The following B9D1 variants were observed in gnomAD, a reference collection of about 807,000 sequenced individuals.
The protein encoded by B9D1 is B9 domain-containing protein 1.
B9D1 carries 20 observed loss-of-function variants against 26.1 expected under a neutral mutation model. That is an observed-to-expected ratio of 0.77 (90% CI 0.54 to 1.12). The LOEUF (loss-of-function observed/expected upper bound fraction) is 1.12, where lower values mean the gene tolerates loss of function less well. Among genes scored for constraint, B9D1 ranks in the 50% most tolerant of loss-of-function variants. The pLI is 0.00. For synonymous variants in B9D1, 105 were observed against 103.1 expected (o/e 1.02, Z -0.11); for missense variants, 260 against 273.7 (o/e 0.95, Z 0.35).
downstream of B9D1, among the ~76,000 whole-genome samples, chr17:19,340,443 G>C (rs1395000555): frequency 2.9e-5 from 1 of 34,078 alleles, no homozygotes; most frequent in Non-Finnish European, 5.2e-5. Context: ...AAAGTGCTGG[G>C]ATTACAGGCG....
downstream of B9D1, among the ~76,000 whole-genome samples, chr17:19,339,130 A>G (rs190984884): frequency 1.4e-3 from 219 of 152,346 alleles, no homozygotes; most frequent in African/African-American, 5.0e-3. Flanking sequence ...GAGAAGTTTT[A>G]TTATGCCTTT....
At chr17:19,337,545 G>A, downstream of B9D1, 1 of 599,036 alleles carries the variant, frequency 1.7e-6, no homozygotes, top group South Asian at 2.0e-5. Context: ...GGAGGCTAGG[G>A]ACTGGTGGCA....
At chr17:19,358,759 T>C (rs1353186992) in intron 2 of B9D1, among the ~76,000 whole-genome samples, 1 of 152,200 alleles carries the variant, frequency 6.6e-6, no homozygotes, top group African/African-American at 2.4e-5. Context: ...ATCTCATCCA[T>C]CTCATGGCTT....
At position 19,347,319 on chromosome 17, in the gene B9D1, G is replaced by A. The variant is rs999199095; in HGVS notation, c.354C>T (p.Thr118=). 6.2e-7 allele frequency: 1 copy of A among 1,614,196 alleles called. No individual in the cohort carries two copies. The highest frequency in any genetic ancestry group is 8.5e-7 in the Non-Finnish European group (1 of 1,180,044). Residue 118 remains threonine, a synonymous_variant, in exon 5 of 7, where the codon ACC becomes ACT. Coordinates refer to ENST00000261499, the MANE Select transcript of B9D1 (RefSeq NM_015681.6). This position sits in a 1 kb window ranked among gnomAD's most constrained non-coding sequence, Gnocchi z 4.3. Reference sequence around the variant, plus strand: ...TAGATTCTGGGACAAACATGGGGATGGTCCTTTTGTGCCTGAAACAAATGT... The same window carrying A: ...TAGATTCTGGGACAAACATGGGGATAGTCCTTTTGTGCCTGAAACAAATGT... The part of the protein sequence containing the change: ...VPFSPGRHKR[T]IPMFVPESTS...
chr17:19,369,039 T>C (rs1911745218), intron 1 of B9D1, among the ~76,000 whole-genome samples: 1 of 152,166 alleles, frequency 6.6e-6, no homozygotes, highest in Non-Finnish European at 1.5e-5. Context: ...ATTTTCCCCC[T>C]CTGAGAAACA....
chr17:19,369,827 T>C (rs1276013511), intron 1 of B9D1, among the ~76,000 whole-genome samples: 4 of 152,206 alleles, frequency 2.6e-5, no homozygotes, highest in Non-Finnish European at 2.9e-5. Context: ...TCACGATTGC[T>C]TCTGGAAGAC....
chr17:19,336,613 C>G (rs570209285), downstream of B9D1: 1 of 152,428 alleles, frequency 6.6e-6, no homozygotes, highest in Admixed American at 6.5e-5. Flanking sequence ...GAGGAAGTCA[C>G]CCAGCTGTTT....
chr17:19,357,620 G>A, intron 3 of B9D1: 2 of 587,464 alleles, frequency 3.4e-6, no homozygotes, highest in Non-Finnish European at 6.2e-6. Context: ...ACTTCCAGAA[G>A]GCCAGCTGCA....
intron 1 of B9D1, among the ~76,000 whole-genome samples, chr17:19,367,879 C>A (rs1911681736): frequency 1.3e-5 from 2 of 152,214 alleles, no homozygotes; most frequent in Non-Finnish European, 2.9e-5. Context: ...CCCAGCCAGA[C>A]TCAAAGTCCC....
At chr17:19,341,107 G>A (rs542565287), downstream of B9D1, 128 of 1,225,002 alleles carry the variant, frequency 1.0e-4, no homozygotes, top group African/African-American at 1.7e-3. Flanking sequence ...TTTCAGTAAT[G>A]TTGAGAAAAA....
At chr17:19,342,067 G>A (rs527493609), downstream of B9D1, among the ~76,000 whole-genome samples, 1 of 152,302 alleles carries the variant, frequency 6.6e-6, no homozygotes, top group African/African-American at 2.4e-5. Context: ...GGTGAAGACA[G>A]ACTGTTCCAA....
downstream of B9D1, chr17:19,337,657 G>C: frequency 6.7e-7 from 1 of 1,492,744 alleles, no homozygotes; most frequent in East Asian, 2.5e-5. Context: ...GCGGCTTCCC[G>C]CGGAAGTTTC....
At chr17:19,339,144 G>A (rs1408802661), downstream of B9D1, among the ~76,000 whole-genome samples, 1 of 152,178 alleles carries the variant, frequency 6.6e-6, no homozygotes, top group Non-Finnish European at 1.5e-5. Context: ...TGCCTTTATT[G>A]CTGAAAGCAA....
At chr17:19,343,483 C>T in intron 6 of B9D1, 22 bp from the exon 7 acceptor site, 2 of 1,614,114 alleles carry the variant, frequency 1.2e-6, no homozygotes, top group South Asian at 2.2e-5. Flanking sequence ...AGGGCAGCAT[C>T]AGCCAGGCTG....
At chr17:19,367,247 C>T (rs552130301), upstream of B9D1, among the ~76,000 whole-genome samples, 26 of 151,858 alleles carry the variant, frequency 1.7e-4, no homozygotes, top group Middle Eastern at 3.4e-3. Flanking sequence ...CTGCACATGA[C>T]GTTCTCAACA....
In B9D1 at chr17:19,343,795, C is replaced by T. The variant is rs886038205; in HGVS notation, c.467G>A (p.Arg156Gln). Reference protein sequence around the residue: ...DPKVVAQGEGREVTRVRSQGF... With the variant: ...DPKVVAQGEGQEVTRVRSQGF... ...GAGAGGGGAGGGAGCTTTACCTTCC[C>T]GGCCTTCACCCTGAGCCACCACCTT... The change falls in exon 6 of 7, where the codon CGG becomes CAG. Residue 156 changes from arginine to glutamine, a missense_variant. By Grantham distance (43) the Arg-to-Gln change is conservative. Transcript: ENST00000261499. 10 of 1,613,218 alleles carry T rather than the reference C, an allele frequency of 6.2e-6. No individual in the cohort carries two copies. The highest frequency in any genetic ancestry group is 8.5e-6 in the Non-Finnish European group (10 of 1,179,456).
chr17:19,376,357 G>A (rs1193252670), intron 1 of B9D1, among the ~76,000 whole-genome samples: 1 of 152,166 alleles, frequency 6.6e-6, no homozygotes, highest in Non-Finnish European at 1.5e-5. Context: ...GGAGGTGAGA[G>A]TTGGACATGC....
chr17:19,375,175 A>G (rs1161893913), intron 1 of B9D1, among the ~76,000 whole-genome samples: 1 of 152,128 alleles, frequency 6.6e-6, no homozygotes, highest in Non-Finnish European at 1.5e-5. Flanking sequence ...CTGTAGTCCT[A>G]GCTACTTGAG....
chr17:19,362,235 C>T (rs539615785), intron 1 of B9D1, among the ~76,000 whole-genome samples: 1 of 152,380 alleles, frequency 6.6e-6, no homozygotes, highest in South Asian at 2.1e-4. Flanking sequence ...AGCAAGTGGG[C>T]ATGACCCGTG....
Sources: gnomAD v4.1 joint callset for allele counts (sites outside exome capture counted in the v4.1 genomes callset) on GRCh38, gnomAD v4.1.1 for gene constraint, Gnocchi (gnomAD v3.1) non-coding constraint, MANE v1.5 for transcripts, NCBI Gene and HGNC (gene_info 2026-07-23, HGNC 2026-07-21) for gene names.